MCM8: variants seen among roughly 807,000 people sequenced by gnomAD.
The protein encoded by MCM8 is DNA helicase MCM8.
MCM8 carries 85 observed loss-of-function variants against 98.9 expected under a neutral mutation model. That is an observed-to-expected ratio of 0.86 (90% confidence interval 0.72 to 1.03). The LOEUF is 1.03. Ranked by LOEUF, MCM8 falls within the 50% of genes least tolerant of loss-of-function variation. The pLI is 0.00. For missense variants in MCM8, 951 were observed against 997.8 expected, an observed-to-expected ratio of 0.95 and a Z score of 0.63; for synonymous variants, 352 against 338.6, an observed-to-expected ratio of 1.04 and a Z score of -0.44.
rs139555133 is a variant in MCM8 at position 5,994,128 on chromosome 20, C to T, written c.2431-171C>T. The stretch of plus-strand genomic sequence containing the variant: ...AATTTTTACTTTTTATTTATTTAGG[C>T]ATTATAGAATCCAGAACTCAAATAT... On this transcript the variant is annotated intron_variant, in intron 18 of 18. Coordinates refer to ENST00000610722, the MANE Select transcript of MCM8 (RefSeq NM_032485.6). Among the ~76,000 whole-genome samples the T allele has an allele frequency of 3.5e-3, 529 of 152,088 alleles. 6 individuals carry two copies. Among genetic ancestry groups the T allele is most frequent in the African/African-American group, 0.012 (496 of 41,482 alleles).
At chr20:5,989,096 C>G (rs1167923403) in intron 17 of MCM8, among the ~76,000 whole-genome samples, 9 of 147,412 alleles carry the variant, frequency 6.1e-5, no homozygotes, top group Admixed American at 4.7e-4. Flanking sequence ...TCAGTAAACA[C>G]TGTTTACTAT....
intron 11 of MCM8, 110 bp downstream of exon 11, chr20:5,972,147 T>C: frequency 1.5e-6 from 1 of 685,706 alleles, no homozygotes. Context: ...ATTTATATCT[T>C]AATATGCTTT....
intron 10 of MCM8, among the ~76,000 whole-genome samples, chr20:5,968,546 A>T (rs989511756): frequency 2.5e-4 from 36 of 146,100 alleles, no homozygotes; most frequent in Middle Eastern, 3.6e-3. Context: ...CTCTGTCTTT[A>T]AAAAAAAAAA....
rs1389148618 is a variant in MCM8, at chr20:5,997,043, G to A, written c.*2652G>A. 1 of 152,358 alleles carries A rather than the reference G, an allele frequency of 6.6e-6. No individual in the cohort carries two copies. Among genetic ancestry groups the A allele is most frequent in the Admixed American group, 6.5e-5 (1 of 15,286 alleles). 9.4% of individuals were successfully genotyped at this position (152,358 alleles called of 1,614,324 possible). On this transcript the variant is annotated 3_prime_UTR_variant, in exon 19 of 19. Transcript: ENST00000610722. The stretch of plus-strand genomic sequence containing the variant: ...TGGTGTGGCATGGCACGCCCTCTTG[G>A]GAGATGAAAGTAATCTTCCATAGGC...
chr20:5,952,463 AG>A lies in MCM8; in HGVS notation c.189del (p.Gln63HisfsTer30). 6.2e-7 allele frequency: 1 copy of A among 1,614,116 alleles called. No individual in the cohort carries two copies. Among genetic ancestry groups the A allele is most frequent in the Non-Finnish European group, 8.5e-7 (1 of 1,180,006 alleles). On this transcript the variant is annotated frameshift_variant, in exon 3 of 19. Coordinates refer to ENST00000610722, the MANE Select transcript of MCM8 (RefSeq NM_032485.6). LOFTEE classifies it high-confidence loss of function. ...PQFLLSTKTP[Q>X]SMQSTLDRFI... ...TTTTTGCTTTCAACAAAGACCCCAC[AG>A]TCAATGCAGTCAACATTGGATCGAT...
chr20:5,991,731 C>G (rs1201026787), intron 17 of MCM8, among the ~76,000 whole-genome samples: 1 of 152,220 alleles, frequency 6.6e-6, no homozygotes, highest in African/African-American at 2.4e-5. Flanking sequence ...GGGACCTTAT[C>G]TGACTCATTT....
At position 5,994,543 on chromosome 20, in the gene MCM8, A is replaced by G. The variant is rs147617435; in HGVS notation, c.*152A>G. 9.1e-3 allele frequency: 5,245 copies of G among 574,584 alleles called. 44 individuals carry two copies. Among genetic ancestry groups the G allele is most frequent in the Middle Eastern group, 0.012 (27 of 2,170 alleles). The allele number at this position is 574,584 out of a possible 1,614,324, so 35.6% of individuals were successfully genotyped here. A position where few individuals can be genotyped will look rare whatever the true frequency, so the allele number is the denominator to read the frequency against. On this transcript the variant is annotated 3_prime_UTR_variant, in exon 19 of 19. Transcript: ENST00000610722. ...CACACAGTCAAATACTGTTCTCTGAAAAATGATGTCCCAAAAGTATTATAA... is the reference window on the plus strand; with the variant it reads ...CACACAGTCAAATACTGTTCTCTGAGAAATGATGTCCCAAAAGTATTATAA...
At chr20:5,982,505 A>C (rs878930120) in intron 13 of MCM8, among the ~76,000 whole-genome samples, 3 of 152,148 alleles carry the variant, frequency 2.0e-5, no homozygotes, top group Admixed American at 2.0e-4. Context: ...TAAAGAGATT[A>C]AGTGATTTCC....
At chr20:5,959,651 A>G (rs888702782) in intron 7 of MCM8, among the ~76,000 whole-genome samples, 3 of 145,964 alleles carry the variant, frequency 2.1e-5, no homozygotes, top group African/African-American at 7.6e-5. Context: ...ATTCTTGTAC[A>G]TGTCTCCTTA....
At chr20:5,967,093 A>G (rs2089291058) in intron 8 of MCM8, among the ~76,000 whole-genome samples, 1 of 152,134 alleles carries the variant, frequency 6.6e-6, no homozygotes, top group Non-Finnish European at 1.5e-5. Context: ...GCTTTTGCCC[A>G]TGTGTATTCT....
rs547840776 is a variant in MCM8, at chr20:5,952,606, C to T, written c.253+78C>T. On this transcript the variant is annotated intron_variant, in intron 3 of 18. Transcript: ENST00000610722. ...TCTTTGGATGCTACATCTTGTATTA[C>T]TGTAATTCATTTACTAACATATACC... 218 of 1,157,654 alleles carry T rather than the reference C, an allele frequency of 1.9e-4. 2 individuals are homozygous for T. In the South Asian group the frequency reaches 2.8e-3, roughly 15 times the overall value. 71.7% of individuals were successfully genotyped at this position (1,157,654 alleles called of 1,614,324 possible).
chr20:5,994,734 T>TAAA lies in MCM8; in HGVS notation c.*359_*361dup, dbSNP rs11422423. The stretch of plus-strand genomic sequence containing the variant: ...GGCAACATAGCAAGACCCCATTTCT[T>TAAA]AAAAAAAAAAAAAAAAAATTTAAAC... On this transcript the variant is annotated 3_prime_UTR_variant, in exon 19 of 19. Transcript: ENST00000610722. 472 of 407,744 alleles carry TAAA rather than the reference T, an allele frequency of 1.2e-3. No individual in the cohort carries two copies. Among genetic ancestry groups the TAAA allele is most frequent in the Middle Eastern group, 1.6e-3 (2 of 1,246 alleles). The allele number at this position is 407,744 out of a possible 1,614,324, so 25.3% of individuals were successfully genotyped here.
In MCM8 at chr20:5,973,147, A is replaced by G; in HGVS notation, c.1346A>G (p.His449Arg). 6.2e-7 allele frequency: 1 copy of G among 1,614,232 alleles called. No individual in the cohort carries two copies. Among genetic ancestry groups the G allele is most frequent in the African/African-American group, 1.3e-5 (1 of 75,064 alleles). ...KNRIPIRGDP[H>R]ILVVGDPGLG... ...AGAATTCCAATTCGGGGAGACCCCCACATCCTTGTTGTTGGAGATCCAGGC... is the reference window on the plus strand; with the variant it reads ...AGAATTCCAATTCGGGGAGACCCCCGCATCCTTGTTGTTGGAGATCCAGGC... Residue 449 changes from histidine (H) to arginine (R), a missense_variant, in exon 12 of 19, where the codon CAC becomes CGC. By Grantham distance (29) the His-to-Arg change is conservative. Transcript: ENST00000610722.
chr20:5,978,585 A>G (rs1381853586), intron 13 of MCM8, among the ~76,000 whole-genome samples: 1 of 151,528 alleles, frequency 6.6e-6, no homozygotes, highest in Non-Finnish European at 1.5e-5. Context: ...TTTTTATGAG[A>G]CAGAGTCTTG....
At chr20:5,965,638 C>CTTTGG (rs1160467695) in intron 8 of MCM8, 1 of 152,162 alleles carries the variant, frequency 6.6e-6, no homozygotes, top group Non-Finnish European at 1.5e-5. Flanking sequence ...GAAAATGACT[C>CTTTGG]AAGCATCAAA....
At position 5,959,552 on chromosome 20, in the gene MCM8, A is replaced by G. The variant is rs527692746; in HGVS notation, c.789+826A>G. Among the ~76,000 whole-genome samples the G allele has an allele frequency of 7.9e-5, 12 of 152,324 alleles. 1 individual carries two copies. The highest frequency in any genetic ancestry group is 4.1e-4 in the South Asian group (2 of 4,828). ...TTACTATTGTGGAGTGTTGCTTTAA[A>G]TAAATAGCCACAATTTATCCATTTT... is the stretch of plus-strand genomic sequence containing the variant. On this transcript the variant is annotated intron_variant, in intron 7 of 18. Transcript: ENST00000610722.
chr20:5,983,036 A>G lies in MCM8; in HGVS notation c.1604A>G (p.Glu535Gly), dbSNP rs781623716. The G allele has an allele frequency of 6.2e-6, 10 of 1,613,914 alleles. No individual in the cohort carries two copies. The highest frequency in any genetic ancestry group is 8.5e-6 in the Non-Finnish European group (10 of 1,179,990). ...NQHQALLEAM[E>G]QQSISLAKAG... is the part of the protein sequence containing the mutation. The stretch of plus-strand genomic sequence containing the variant: ...CATCAAGCCTTGTTGGAAGCCATGG[A>G]GCAGCAAAGTATTAGTCTTGCTAAG... Residue 535 changes from glutamate (E) to glycine (G), a missense_variant, in exon 14 of 19, where the codon GAG (glutamate) becomes GGG (glycine). Coordinates refer to ENST00000610722, the MANE Select transcript of MCM8 (RefSeq NM_032485.6).
Position 5,976,278 on chromosome 20 carries a change from G to A in MCM8, c.1396-1598G>A, listed in dbSNP as rs144867627. Among the ~76,000 whole-genome samples the A allele has an allele frequency of 2.6e-5, 4 of 152,206 alleles. No individual in the cohort carries two copies. In the East Asian group the frequency reaches 7.7e-4, roughly 29 times the overall value. ...CTTGTTTCTTACAGAAAATTAATTAGCCAGTCATGGTGGCATGCTCCTATA... is the reference window on the plus strand; with the variant it reads ...CTTGTTTCTTACAGAAAATTAATTAACCAGTCATGGTGGCATGCTCCTATA... On this transcript the variant is annotated intron_variant, in intron 12 of 18. Coordinates refer to ENST00000610722, the MANE Select transcript of MCM8 (RefSeq NM_032485.6).
At chr20:5,990,476 C>G (rs2089829084) in intron 17 of MCM8, among the ~76,000 whole-genome samples, 1 of 152,160 alleles carries the variant, frequency 6.6e-6, no homozygotes, top group South Asian at 2.1e-4. Context: ...TGGCTTTAGT[C>G]CCTCTCCAGT....
Sources: gnomAD v4.1 joint callset for allele counts (sites outside exome capture counted in the v4.1 genomes callset) on GRCh38, gnomAD v4.1.1 for gene constraint, MANE v1.5 for transcripts, NCBI Gene and HGNC (gene_info 2026-07-23, HGNC 2026-07-21) for gene names.